Variants in PKP4 observed in about 807,000 individuals in gnomAD.
PKP4 encodes plakophilin 4.
PKP4 carries 90 observed loss-of-function variants against 145.1 expected under a neutral mutation model. The observed-to-expected ratio is 0.62, with a 90% confidence interval of 0.52 to 0.74. The LOEUF (loss-of-function observed/expected upper bound fraction) is 0.74, where lower values mean the gene tolerates loss of function less well. Ranked by LOEUF, PKP4 falls within the 30% of genes least tolerant of loss-of-function variation. The pLI is 0.00. For synonymous variants in PKP4, 563 were observed against 577.2 expected (o/e 0.98, Z 0.35); for missense variants, 1,340 against 1,482.7 (o/e 0.90, Z 1.58).
chr2:158,535,501 C>T (rs2043952876), intron 2 of PKP4, among the ~76,000 whole-genome samples: 1 of 152,176 alleles, frequency 6.6e-6, no homozygotes, highest in South Asian at 2.1e-4. Context: ...CTTCAAACTC[C>T]TGGGCTCAAG....
chr2:158,492,093 C>T (rs892773715), intron 1 of PKP4, among the ~76,000 whole-genome samples: 1 of 152,032 alleles, frequency 6.6e-6, no homozygotes, highest in Non-Finnish European at 1.5e-5. Flanking sequence ...ACAGGCTTGA[C>T]CCACTGCACC....
chr2:158,625,306 C>T lies in PKP4; in HGVS notation c.1032C>T (p.Thr344=), dbSNP rs1352078028. ...CGTCCCCCAAACGCTCAGGGATGAC[C>T]GCCGTACCACAGCATCTGGGACCTT... ...GSSSPKRSGM[T]AVPQHLGPSL... The change falls in exon 7 of 22, where the codon ACC becomes ACT. Residue 344 remains threonine, a synonymous_variant. Coordinates refer to ENST00000389759, the MANE Select transcript of PKP4 (RefSeq NM_003628.6). 9 of 1,614,096 alleles carry T rather than the reference C, an allele frequency of 5.6e-6. No individual in the cohort carries two copies. In the East Asian group the frequency reaches 6.7e-5, roughly 12 times the overall value.
chr2:158,551,948 C>G (rs748069471), intron 2 of PKP4, among the ~76,000 whole-genome samples: 3 of 152,164 alleles, frequency 2.0e-5, no homozygotes, highest in South Asian at 2.1e-4. Context: ...GAATAATGCT[C>G]TCCTCCCCAG....
intron 1 of PKP4, among the ~76,000 whole-genome samples, chr2:158,520,473 T>C (rs1318411088): frequency 6.6e-6 from 1 of 152,260 alleles, no homozygotes; most frequent in East Asian, 1.9e-4. Context: ...TACTAAATAC[T>C]ATTCTATTTA....
chr2:158,460,030 C>T (rs1689533394), intron 1 of PKP4, among the ~76,000 whole-genome samples: 1 of 152,130 alleles, frequency 6.6e-6, no homozygotes, highest in African/African-American at 2.4e-5. Context: ...GGTGCTGCAT[C>T]TGGTGTCTTA....
chr2:158,618,522 A>G (rs1422694043), intron 4 of PKP4, among the ~76,000 whole-genome samples: 2 of 152,196 alleles, frequency 1.3e-5, no homozygotes, highest in African/African-American at 2.4e-5. Context: ...ATTGTTTGAG[A>G]TACTAATTTC....
At chr2:158,564,842 C>G (rs1210379475) in intron 2 of PKP4, among the ~76,000 whole-genome samples, 2 of 152,124 alleles carry the variant, frequency 1.3e-5, no homozygotes, top group Admixed American at 6.6e-5. Flanking sequence ...ATGAAATTTC[C>G]CCTTTGTCAT....
chr2:158,603,591 C>CA (rs780003244), intron 4 of PKP4, among the ~76,000 whole-genome samples: 1 of 151,928 alleles, frequency 6.6e-6, no homozygotes, highest in Non-Finnish European at 1.5e-5. Context: ...CTAAATTCAC[C>CA]ACATAGGAAG....
At chr2:158,481,370 G>A (rs897636097) in intron 1 of PKP4, among the ~76,000 whole-genome samples, 3 of 152,092 alleles carry the variant, frequency 2.0e-5, no homozygotes, top group Non-Finnish European at 4.4e-5. Context: ...ACATTTTTGT[G>A]TGAACATATG....
intron 2 of PKP4, among the ~76,000 whole-genome samples, chr2:158,567,284 G>A (rs1003045928): frequency 6.6e-6 from 1 of 152,196 alleles, no homozygotes. Context: ...AGTGTTTCAA[G>A]TGGATGGAAC....
Position 158,621,206 on chromosome 2 carries a change from A to G in PKP4, c.413-25A>G, listed in dbSNP as rs769256974. The G allele has an allele frequency of 6.8e-6, 11 of 1,613,436 alleles. No individual in the cohort carries two copies. Among genetic ancestry groups the G allele is most frequent in the Non-Finnish European group, 9.3e-6 (11 of 1,179,532 alleles). On this transcript the variant is annotated intron_variant, in intron 5 of 21. Coordinates refer to ENST00000389759, the MANE Select transcript of PKP4 (RefSeq NM_003628.6). ...AGTGTCAGAAGTGTGTATAATAAAG[A>G]TATTTCTTGGTTTCATTCTTACAGG...
intron 1 of PKP4, among the ~76,000 whole-genome samples, chr2:158,473,478 A>G (rs567247231): frequency 7.2e-5 from 11 of 152,362 alleles, no homozygotes; most frequent in African/African-American, 2.6e-4. Flanking sequence ...CTATGCAGCC[A>G]TAAAAATAAC....
At chr2:158,571,138 G>A (rs954420514) in intron 2 of PKP4, among the ~76,000 whole-genome samples, 10 of 152,242 alleles carry the variant, frequency 6.6e-5, no homozygotes, top group Middle Eastern at 3.4e-3. Flanking sequence ...CTTAATTGTC[G>A]TCATCATAAT....
intron 1 of PKP4, among the ~76,000 whole-genome samples, chr2:158,508,046 T>G (rs2041149878): frequency 6.6e-6 from 1 of 151,090 alleles, no homozygotes; most frequent in African/African-American, 2.5e-5. Flanking sequence ...CCTTAGACAT[T>G]CTACCCAGGA....
At position 158,492,968 on chromosome 2, in the gene PKP4, GTTTATT is replaced by G. The variant is rs1336036986; in HGVS notation, c.-6+35755_-6+35760del. Among the ~76,000 whole-genome samples, 7 of 151,984 alleles carry G rather than the reference GTTTATT, an allele frequency of 4.6e-5. No individual in the cohort carries two copies. The East Asian group carries it at 1.2e-3, about 25-fold the overall frequency. On this transcript the variant is annotated intron_variant, in intron 1 of 21. Transcript: ENST00000389759. ...CCTAATAATATTTATTTTCTAAACT[GTTTATT>G]TTTAATGTTTGTTTTAGTTTTTTAT...
At chr2:158,497,438 A>G (rs1695905802) in intron 1 of PKP4, among the ~76,000 whole-genome samples, 2 of 152,162 alleles carry the variant, frequency 1.3e-5, no homozygotes, top group South Asian at 4.2e-4. Flanking sequence ...CCAATGCTAG[A>G]TAAGAATCAC....
At chr2:158,559,368 C>T (rs1359463812) in intron 2 of PKP4, among the ~76,000 whole-genome samples, 1 of 151,902 alleles carries the variant, frequency 6.6e-6, no homozygotes, top group Non-Finnish European at 1.5e-5. Flanking sequence ...GGGACCCAGT[C>T]TTCTAACCCT....
intron 19 of PKP4, among the ~76,000 whole-genome samples, chr2:158,675,873 G>A (rs2057961405): frequency 6.6e-6 from 1 of 152,280 alleles, no homozygotes; most frequent in East Asian, 1.9e-4. Flanking sequence ...TCAAGGTTTG[G>A]GGGGCTGTTG....
intron 1 of PKP4, among the ~76,000 whole-genome samples, chr2:158,493,072 C>G (rs1257293400): frequency 6.6e-6 from 1 of 151,906 alleles, no homozygotes; most frequent in East Asian, 1.9e-4. Flanking sequence ...ATTCTTTTTG[C>G]CAGAAGTATA....
Sources: gnomAD v4.1 joint callset for allele counts (sites outside exome capture counted in the v4.1 genomes callset) on GRCh38, gnomAD v4.1.1 for gene constraint, MANE v1.5 for transcripts, NCBI Gene and HGNC (gene_info 2026-07-23, HGNC 2026-07-21) for gene names.